The following ITSN2 variants were observed in gnomAD, a reference collection of about 807,000 sequenced individuals.
The protein encoded by ITSN2 is intersectin-2.
Under a neutral mutation model 243.7 loss-of-function variants are expected in ITSN2, and 156 were observed. The ratio of observed to expected loss-of-function variants is 0.64; its 90% CI spans 0.56 to 0.73. ITSN2 has a LOEUF of 0.73. Among genes scored for constraint, ITSN2 ranks in the 30% least tolerant of loss-of-function variants. The probability of loss-of-function intolerance (pLI) is 0.00; values close to 1 mark genes in which losing one functional copy is unlikely to be tolerated. For synonymous variants in ITSN2, 703 were observed against 699.9 expected, an observed-to-expected ratio of 1.00 and a Z score of -0.07; for missense variants, 1,801 against 1,996.1, an observed-to-expected ratio of 0.90 and a Z score of 1.86.
intron 17 of ITSN2, among the ~76,000 whole-genome samples, chr2:24,280,942 C>T (rs891006788): frequency 1.3e-5 from 2 of 152,218 alleles, no homozygotes; most frequent in African/African-American, 4.8e-5. Flanking sequence ...AACAGAACTA[C>T]CATTGACCAA....
intron 1 of ITSN2, among the ~76,000 whole-genome samples, chr2:24,332,357 GAA>G (rs372654408): frequency 7.0e-6 from 1 of 143,050 alleles, no homozygotes. Context: ...TTTGGCTTGG[GAA>G]AAAAAAAAAG....
At chr2:24,319,738 G>C (rs893719330) in intron 2 of ITSN2, among the ~76,000 whole-genome samples, 3 of 152,230 alleles carry the variant, frequency 2.0e-5, no homozygotes, top group Non-Finnish European at 4.4e-5. Context: ...CTCTTCTGAT[G>C]TAGGTCCCAC....
rs368024445 is a variant in ITSN2, at chr2:24,334,116, T to C, written c.-33-6001A>G. 1.1e-4 allele frequency among the ~76,000 whole-genome samples: 16 copies of C among 152,070 alleles called. No homozygotes were observed. The East Asian group carries it at 1.5e-3, about 15-fold the overall frequency. On this transcript the variant is annotated intron_variant, in intron 1 of 39. Coordinates refer to ENST00000355123, the MANE Select transcript of ITSN2 (RefSeq NM_006277.3). ...CTCTGTCACCCAGGCTGGAGTGCAA[T>C]TGTGCGATCTCAGCTCACTGCAACC...
At chr2:24,210,082 C>T (rs1242265206) in intron 34 of ITSN2, 49 bp from the exon 35 acceptor site, 1 of 1,424,726 alleles carries the variant, frequency 7.0e-7, no homozygotes, top group South Asian at 1.2e-5. Flanking sequence ...ACAAACCATC[C>T]AGTGCCCCTG....
At position 24,217,835 on chromosome 2, in the gene ITSN2, G is replaced by A. The variant is rs900770924; in HGVS notation, c.3806+72C>T. The A allele has an allele frequency of 2.4e-5, 23 of 961,466 alleles. No individual in the cohort carries two copies. In the East Asian group the frequency reaches 5.1e-4, roughly 21 times the overall value. The allele number at this position is 961,466 out of a possible 1,614,324, so 59.6% of individuals were successfully genotyped here. ...GTTCCTTTGCTAAGAAGCCCTTGCA[G>A]AGGGTTTTGTGTGAGTCTCAGTCTG... On this transcript the variant is annotated intron_variant, in intron 31 of 39. Transcript: ENST00000355123.
At chr2:24,296,438 C>T (rs1680972809) in intron 13 of ITSN2, among the ~76,000 whole-genome samples, 1 of 152,082 alleles carries the variant, frequency 6.6e-6, no homozygotes, top group Non-Finnish European at 1.5e-5. Context: ...CAGAATGTGA[C>T]AATATTTGGA....
At chr2:24,303,754 A>C in intron 9 of ITSN2, 45 bp downstream of exon 9, 1 of 1,128,468 alleles carries the variant, frequency 8.9e-7, no homozygotes, top group Non-Finnish European at 1.4e-6. Context: ...TTAATTAATT[A>C]ATGCATAGTT....
chr2:24,243,661 G>T (rs1573981235), intron 29 of ITSN2, among the ~76,000 whole-genome samples: 1 of 151,946 alleles, frequency 6.6e-6, no homozygotes, highest in African/African-American at 2.4e-5. Flanking sequence ...TAGAGATGAG[G>T]TCTCCCTATA....
intron 1 of ITSN2, among the ~76,000 whole-genome samples, chr2:24,350,332 T>C (rs1358278671): frequency 2.6e-5 from 4 of 152,188 alleles, no homozygotes. Context: ...ACCAATAGTA[T>C]AAAATTAACC....
intron 29 of ITSN2, chr2:24,221,613 GA>G (rs1670457485): frequency 6.6e-6 from 1 of 152,300 alleles, no homozygotes; most frequent in South Asian, 2.1e-4. Flanking sequence ...AAATGTTTGA[GA>G]AACAGTCTCT....
In ITSN2 at chr2:24,251,347, A is replaced by ATG. The variant is rs763006990; in HGVS notation, c.3120+996_3120+997dup. On this transcript the variant is annotated intron_variant, in intron 25 of 39. Coordinates refer to ENST00000355123, the MANE Select transcript of ITSN2 (RefSeq NM_006277.3). ...AAATAAAATATATATATATATATAT[A>ATG]TGTGTGTGTGTGTGTGTGTGTGTGT... Among the ~76,000 whole-genome samples, 10 of 2,588 alleles carry ATG rather than the reference A, an allele frequency of 3.9e-3. 5 individuals are homozygous for ATG. Among genetic ancestry groups the ATG allele is most frequent in the African/African-American group, 6.0e-3 (4 of 672 alleles). 1.7% of individuals were successfully genotyped at this position (2,588 alleles called of 152,430 possible).
Position 24,220,995 on chromosome 2 carries a change from G to T in ITSN2, c.3649C>A (p.Leu1217Met). ...ERKRQGYIHE[L>M]IQTEERYMAD... is the part of the protein sequence containing the mutation. ...ATGTACCGCTCTTCGGTCTGAATCA[G>T]CTCATGAATATAGCCCTGTCTTTTC... The change falls in exon 30 of 40, where the codon CTG (leucine) becomes ATG (methionine). Residue 1217 changes from leucine (L) to methionine (M), a missense_variant. By Grantham distance (15) the Leu-to-Met change is conservative. Transcript: ENST00000355123. 6.2e-7 allele frequency: 1 copy of T among 1,610,200 alleles called. No homozygotes were observed. The highest frequency in any genetic ancestry group is 8.5e-7 in the Non-Finnish European group (1 of 1,178,584).
chr2:24,313,403 T>C (rs989449888), intron 4 of ITSN2, 57 bp downstream of exon 4: 52 of 1,403,776 alleles, frequency 3.7e-5, no homozygotes, highest in Non-Finnish European at 5.0e-5. Context: ...GTTAACACTA[T>C]ATTACAAAAA....
At chr2:24,306,569 T>C (rs907878775) in intron 8 of ITSN2, among the ~76,000 whole-genome samples, 3 of 152,250 alleles carry the variant, frequency 2.0e-5, no homozygotes, top group Non-Finnish European at 4.4e-5. Flanking sequence ...TATTCTGTTA[T>C]GTAAATATAC....
rs1416264866 is a variant in ITSN2, at chr2:24,246,082, T to C, written c.3577+47A>G. 6 of 1,273,334 alleles carry C rather than the reference T, an allele frequency of 4.7e-6. No homozygotes were observed. In the South Asian group the frequency reaches 6.6e-5, roughly 14 times the overall value. The allele number at this position is 1,273,334 out of a possible 1,614,324, so 78.9% of individuals were successfully genotyped here. On this transcript the variant is annotated intron_variant, in intron 29 of 39. Transcript: ENST00000355123. ...AAAGGAATAAATGCAGTGCTGTATATTGAAGTTTCACACTAGGTGAGAGAA... is the reference window on the plus strand; with the variant it reads ...AAAGGAATAAATGCAGTGCTGTATACTGAAGTTTCACACTAGGTGAGAGAA...
At chr2:24,325,928 T>G (rs958244000) in intron 2 of ITSN2, among the ~76,000 whole-genome samples, 1 of 151,456 alleles carries the variant, frequency 6.6e-6, no homozygotes, top group African/African-American at 2.4e-5. Context: ...CGTATATACA[T>G]ACACACACAC....
At chr2:24,313,663 C>T (rs1574277625) in intron 3 of ITSN2, 140 bp from the exon 4 acceptor site, 2 of 550,938 alleles carry the variant, frequency 3.6e-6, no homozygotes, top group Non-Finnish European at 6.3e-6. Flanking sequence ...AATAGAAACA[C>T]ATAAAAATTA....
rs749035374 is a variant in ITSN2, at chr2:24,246,199, G to A, written c.3507C>T (p.Ile1169=). The A allele has an allele frequency of 2.2e-5, 35 of 1,613,492 alleles. No homozygotes were observed. In the African/African-American group the frequency reaches 4.0e-4, roughly 18 times the overall value. The part of the protein sequence containing the change: ...KDDPDWWQGE[I]NGVTGLFPSN... ...AAGGAAAGAGACCAGTCACCCCGTTGATCTCTCCTTGCCACCAATCAGGAT... is the reference window on the plus strand; with the variant it reads ...AAGGAAAGAGACCAGTCACCCCGTTAATCTCTCCTTGCCACCAATCAGGAT... The change falls in exon 29 of 40, where the codon ATC becomes ATT. Residue 1169 remains isoleucine (I), a synonymous_variant. Transcript: ENST00000355123.
At position 24,204,224 on chromosome 2, in the gene ITSN2, C is replaced by T. The variant is rs758762533; in HGVS notation, c.4936+21G>A. ...AGGAAACTGGGAAAGCCTTTAGATCCCCTGGCTGAGCGACACTTACCATCT... is the reference window on the plus strand; with the variant it reads ...AGGAAACTGGGAAAGCCTTTAGATCTCCTGGCTGAGCGACACTTACCATCT... On this transcript the variant is annotated intron_variant, in intron 39 of 39. Transcript: ENST00000355123. This position sits in a 1 kb window ranked among gnomAD's most constrained non-coding sequence, Gnocchi z 5.1. The T allele has an allele frequency of 6.2e-7, 1 of 1,612,922 alleles. No homozygotes were observed. The highest frequency in any genetic ancestry group is 2.2e-5 in the East Asian group (1 of 44,878).
Sources: allele counts gnomAD v4.1 joint callset (sites outside exome capture counted in the v4.1 genomes callset), GRCh38; gene constraint gnomAD v4.1.1; non-coding constraint Gnocchi (gnomAD v3.1); transcripts MANE v1.5; gene names NCBI Gene and HGNC (gene_info 2026-07-23, HGNC 2026-07-21).